The following ITFG1 variants were observed in gnomAD, a reference collection of about 807,000 sequenced individuals.
ITFG1 encodes T-cell immunomodulatory protein.
A neutral mutation model predicts 81.8 loss-of-function variants in ITFG1; 34 were observed. The ratio of observed to expected loss-of-function variants is 0.42; its 90% CI spans 0.32 to 0.55. The LOEUF is 0.55. Among genes scored for constraint, ITFG1 ranks in the 20% least tolerant of loss-of-function variants. ITFG1 has a pLI of 0.17. For missense variants in ITFG1, 672 were observed against 755.4 expected (o/e 0.89, Z 1.29); for synonymous variants, 285 against 270.6 (o/e 1.05, Z -0.52).
intron 10 of ITFG1, among the ~76,000 whole-genome samples, chr16:47,308,820 G>A (rs1012771773): frequency 5.3e-5 from 8 of 152,010 alleles, no homozygotes; most frequent in African/African-American, 1.4e-4. Flanking sequence ...TTGGAACTCC[G>A]ATAAGAGCCC....
At chr16:47,390,099 T>A (rs1202212655) in intron 6 of ITFG1, among the ~76,000 whole-genome samples, 2 of 151,994 alleles carry the variant, frequency 1.3e-5, no homozygotes, top group Non-Finnish European at 1.5e-5. Context: ...AAAAGCAGCA[T>A]GAGATGTGTA....
rs1967680317 is a variant in ITFG1 at position 47,334,717 on chromosome 16, G to C, written c.803-20894C>G. ...AGCTCCTTCCCCACCCTGAGTTATA[G>C]CAAATAATCATCAGTCAACATTAGT... On this transcript the variant is annotated intron_variant, in intron 8 of 17. Transcript: ENST00000320640. 2.0e-5 allele frequency among the ~76,000 whole-genome samples: 3 copies of C among 152,124 alleles called. No individual in the cohort carries two copies. In the South Asian group the frequency reaches 6.2e-4, roughly 32 times the overall value.
intron 8 of ITFG1, among the ~76,000 whole-genome samples, chr16:47,354,794 C>T (rs1053144950): frequency 6.6e-6 from 1 of 151,890 alleles, no homozygotes; most frequent in Non-Finnish European, 1.5e-5. Flanking sequence ...TGAAAAAATG[C>T]TCAACATCAT....
At chr16:47,224,102 C>A (rs1310680572) in intron 13 of ITFG1, among the ~76,000 whole-genome samples, 2 of 152,022 alleles carry the variant, frequency 1.3e-5, no homozygotes, top group East Asian at 3.9e-4. Context: ...TTGGGAGATA[C>A]ACCTAATGCT....
chr16:47,270,103 G>C (rs951864150), intron 10 of ITFG1, among the ~76,000 whole-genome samples: 1 of 152,108 alleles, frequency 6.6e-6, no homozygotes, highest in Non-Finnish European at 1.5e-5. Flanking sequence ...GACCTAAATT[G>C]TAAAATCCAG....
chr16:47,261,734 C>T (rs1431934553), intron 10 of ITFG1, among the ~76,000 whole-genome samples: 1 of 152,168 alleles, frequency 6.6e-6, no homozygotes, highest in Non-Finnish European at 1.5e-5. Context: ...TGCAGTGGTG[C>T]AATCTCGCCT....
At chr16:47,371,445 A>G (rs1968252613) in intron 7 of ITFG1, among the ~76,000 whole-genome samples, 1 of 152,152 alleles carries the variant, frequency 6.6e-6, no homozygotes, top group Non-Finnish European at 1.5e-5. Context: ...GAAGCAGTTA[A>G]CCCACACCTG....
intron 6 of ITFG1, among the ~76,000 whole-genome samples, chr16:47,381,890 A>G (rs1246692942): frequency 6.6e-6 from 1 of 152,174 alleles, no homozygotes; most frequent in East Asian, 1.9e-4. Context: ...CTTAACTTAA[A>G]TAAGTTAAGA....
intron 6 of ITFG1, among the ~76,000 whole-genome samples, chr16:47,402,107 G>A (rs542781522): frequency 1.3e-5 from 2 of 152,208 alleles, no homozygotes; most frequent in East Asian, 1.9e-4. Flanking sequence ...ATAAATATCC[G>A]GTGACTGAAT....
intron 8 of ITFG1, among the ~76,000 whole-genome samples, chr16:47,356,355 A>G (rs1321208369): frequency 6.6e-6 from 1 of 152,206 alleles, no homozygotes; most frequent in African/African-American, 2.4e-5. Context: ...TTTCAACGTC[A>G]CTGATTAACA....
At chr16:47,417,224 T>C (rs186254201) in intron 6 of ITFG1, among the ~76,000 whole-genome samples, 1 of 152,196 alleles carries the variant, frequency 6.6e-6, no homozygotes, top group Non-Finnish European at 1.5e-5. Context: ...ACTACAATAA[T>C]TAACATTTTA....
At chr16:47,432,728 C>G (rs1176468575) in intron 5 of ITFG1, among the ~76,000 whole-genome samples, 1 of 152,182 alleles carries the variant, frequency 6.6e-6, no homozygotes, top group Non-Finnish European at 1.5e-5. Context: ...TTTGATTATT[C>G]TTTCACCATA....
chr16:47,181,062 C>T (rs1490313364), intron 14 of ITFG1, among the ~76,000 whole-genome samples: 1 of 151,626 alleles, frequency 6.6e-6, no homozygotes, highest in African/African-American at 2.4e-5. Context: ...ACGAGCGCCT[C>T]TTCCAGGCTG....
chr16:47,169,924 G>GT (rs1197934088), intron 14 of ITFG1, among the ~76,000 whole-genome samples: 1 of 152,062 alleles, frequency 6.6e-6, no homozygotes, highest in Non-Finnish European at 1.5e-5. Context: ...ATTTTTTTTA[G>GT]TATCTATTGA....
At chr16:47,394,930 T>TA (rs1968575984) in intron 6 of ITFG1, among the ~76,000 whole-genome samples, 1 of 152,256 alleles carries the variant, frequency 6.6e-6, no homozygotes, top group South Asian at 2.1e-4. Flanking sequence ...TATTGGGAGA[T>TA]AGACAGGAGT....
intron 8 of ITFG1, among the ~76,000 whole-genome samples, chr16:47,359,644 C>CA (rs1445847992): frequency 6.6e-6 from 1 of 152,188 alleles, no homozygotes; most frequent in East Asian, 1.9e-4. Flanking sequence ...CCTTTGTCCA[C>CA]AAAGCACTAC....
intron 6 of ITFG1, among the ~76,000 whole-genome samples, chr16:47,403,648 C>T (rs1317448891): frequency 6.6e-6 from 1 of 152,052 alleles, no homozygotes; most frequent in Non-Finnish European, 1.5e-5. Context: ...TACAGGAGAA[C>T]ATCCTTACTC....
chr16:47,342,471 C>G (rs1322402393), intron 8 of ITFG1, among the ~76,000 whole-genome samples: 2 of 152,040 alleles, frequency 1.3e-5, no homozygotes, highest in African/African-American at 4.8e-5. Context: ...TTAAGCACTG[C>G]TATTCAACAT....
chr16:47,305,960 T>G (rs1336361835), intron 10 of ITFG1, among the ~76,000 whole-genome samples: 1 of 152,158 alleles, frequency 6.6e-6, no homozygotes, highest in Non-Finnish European at 1.5e-5. Context: ...TGTAGCTAAG[T>G]GTAAATAACT....
Sources: allele counts gnomAD v4.1 joint callset (sites outside exome capture counted in the v4.1 genomes callset), GRCh38; gene constraint gnomAD v4.1.1; transcripts MANE v1.5; gene names NCBI Gene and HGNC (gene_info 2026-07-23, HGNC 2026-07-21).